MAGI2: variants seen among roughly 807,000 people sequenced by gnomAD.
MAGI2 encodes the protein membrane-associated guanylate kinase, WW and PDZ domain-containing protein 2.
In MAGI2, 35 loss-of-function variants were observed where a neutral mutation model predicts 133.3. The ratio of observed to expected loss-of-function variants is 0.26; its 90% CI spans 0.20 to 0.35. The LOEUF is 0.35. MAGI2 is among the 10% of genes least tolerant of loss of function. The pLI is 1.00. For missense variants in MAGI2, 1,636 were observed against 1,863.4 expected, an observed-to-expected ratio of 0.88 and a Z score of 2.25; for synonymous variants, 729 against 710.6, an observed-to-expected ratio of 1.03 and a Z score of -0.41.
At chr7:78,091,012 TA>T (rs1225212650) in intron 20 of MAGI2, among the ~76,000 whole-genome samples, 1 of 151,980 alleles carries the variant, frequency 6.6e-6, no homozygotes, top group Non-Finnish European at 1.5e-5. Context: ...ATATCTTTTG[TA>T]GCTTTTAACA....
Position 78,018,301 on chromosome 7 carries a change from T to C in MAGI2, c.*1014A>G, listed in dbSNP as rs1259871940. The C allele has an allele frequency of 1.3e-5, 2 of 152,636 alleles. No individual in the cohort carries two copies. Among genetic ancestry groups the C allele is most frequent in the Admixed American group, 6.5e-5 (1 of 15,290 alleles). 9.5% of individuals were successfully genotyped at this position (152,636 alleles called of 1,614,324 possible). On this transcript the variant is annotated 3_prime_UTR_variant, in exon 22 of 22. Coordinates refer to ENST00000354212, the MANE Select transcript of MAGI2 (RefSeq NM_012301.4). ...TCTGAGAAATATAAGACAAATACTC[T>C]GCCTCTGCTCTGTCAAAGTGCAAAT... is the stretch of plus-strand genomic sequence containing the variant.
At chr7:79,162,056 G>T (rs1409678554) in intron 1 of MAGI2, among the ~76,000 whole-genome samples, 1 of 145,972 alleles carries the variant, frequency 6.9e-6, no homozygotes, top group Non-Finnish European at 1.5e-5. Context: ...ATCTTTAATA[G>T]AAAAAAAAAA....
intron 18 of MAGI2, among the ~76,000 whole-genome samples, chr7:78,132,540 A>G (rs531675925): frequency 6.6e-6 from 1 of 152,176 alleles, no homozygotes; most frequent in Non-Finnish European, 1.5e-5. Flanking sequence ...TATTGGCCGC[A>G]TTTCCATCGT....
intron 1 of MAGI2, among the ~76,000 whole-genome samples, chr7:79,395,870 T>C (rs1420276847): frequency 1.3e-5 from 2 of 152,158 alleles, no homozygotes; most frequent in African/African-American, 2.4e-5. Context: ...GAATGCTGGA[T>C]GAATGAGTGA....
intron 9 of MAGI2, among the ~76,000 whole-genome samples, chr7:78,298,732 T>G (rs758111903): frequency 6.6e-6 from 1 of 151,508 alleles, no homozygotes; most frequent in African/African-American, 2.4e-5. Flanking sequence ...CTCCAACCCC[T>G]GAGCTCAAGT....
At chr7:78,739,137 C>A (rs1822150947) in intron 2 of MAGI2, among the ~76,000 whole-genome samples, 2 of 151,922 alleles carry the variant, frequency 1.3e-5, no homozygotes, top group African/African-American at 4.8e-5. Context: ...TGCTTTTTTC[C>A]CCCTCAGTGA....
intron 20 of MAGI2, among the ~76,000 whole-genome samples, chr7:78,083,304 T>A (rs2151196358): frequency 6.8e-6 from 1 of 147,160 alleles, no homozygotes; most frequent in Non-Finnish European, 1.5e-5. Context: ...TCTTAGAGTA[T>A]TTTTAAAATA....
chr7:79,259,232 T>C (rs1247821856), intron 1 of MAGI2, among the ~76,000 whole-genome samples: 1 of 152,204 alleles, frequency 6.6e-6, no homozygotes, highest in Non-Finnish European at 1.5e-5. Context: ...GTAAAAATAG[T>C]AGGATAGTAA....
At chr7:79,162,660 G>C (rs963124981) in intron 1 of MAGI2, among the ~76,000 whole-genome samples, 2 of 151,928 alleles carry the variant, frequency 1.3e-5, no homozygotes. Flanking sequence ...TTACTAACAG[G>C]ATAAAAATAC....
intron 1 of MAGI2, among the ~76,000 whole-genome samples, chr7:79,051,487 A>G (rs1237133783): frequency 1.3e-5 from 2 of 152,216 alleles, no homozygotes; most frequent in African/African-American, 4.8e-5. Context: ...AACTATTTGA[A>G]AAACAATGTA....
chr7:78,746,169 CCTGA>C (rs1317456761), intron 2 of MAGI2, among the ~76,000 whole-genome samples: 2 of 152,118 alleles, frequency 1.3e-5, no homozygotes, highest in African/African-American at 2.4e-5. Flanking sequence ...TTGCATGCCT[CCTGA>C]CTTTGTTTAA....
intron 2 of MAGI2, among the ~76,000 whole-genome samples, chr7:78,931,084 G>A (rs1382097565): frequency 6.6e-6 from 1 of 152,070 alleles, no homozygotes; most frequent in Non-Finnish European, 1.5e-5. Context: ...GGGAGGAAGG[G>A]AAACTCATGA....
At chr7:79,335,470 T>C (rs955464891) in intron 1 of MAGI2, among the ~76,000 whole-genome samples, 28 of 151,918 alleles carry the variant, frequency 1.8e-4, no homozygotes, top group African/African-American at 6.8e-4. Context: ...GAAGAAATTA[T>C]AAAGGAAAGG....
rs191128333 is a variant in MAGI2, at chr7:79,248,885, C to T, written c.301+204135G>A. Among the ~76,000 whole-genome samples, 507 of 150,574 alleles carry T rather than the reference C, an allele frequency of 3.4e-3. 3 individuals are homozygous for T. The highest frequency in any genetic ancestry group is 0.012 in the African/African-American group (483 of 40,710). Reference sequence around the variant, plus strand: ...TTTTATTTATTTTATTTTTTTGAGACGGAGATTTGCTCTTGTTGCCCAGGC... The same window carrying T: ...TTTTATTTATTTTATTTTTTTGAGATGGAGATTTGCTCTTGTTGCCCAGGC... On this transcript the variant is annotated intron_variant, in intron 1 of 21. Coordinates refer to ENST00000354212, the MANE Select transcript of MAGI2 (RefSeq NM_012301.4).
intron 2 of MAGI2, among the ~76,000 whole-genome samples, chr7:78,698,850 G>C (rs1817779030): frequency 6.6e-6 from 1 of 151,970 alleles, no homozygotes; most frequent in Non-Finnish European, 1.5e-5. Context: ...ACAGCATGAG[G>C]GTAACCACCC....
intron 1 of MAGI2, among the ~76,000 whole-genome samples, chr7:79,370,651 T>TTTA (rs1842993263): frequency 6.6e-6 from 1 of 151,932 alleles, no homozygotes; most frequent in African/African-American, 2.4e-5. Context: ...TAGTTCTTTT[T>TTTA]TTTTTATGAA....
At chr7:78,749,426 A>G (rs775010621) in intron 2 of MAGI2, among the ~76,000 whole-genome samples, 1 of 152,200 alleles carries the variant, frequency 6.6e-6, no homozygotes, top group Non-Finnish European at 1.5e-5. Context: ...CATATGGTAT[A>G]TTAGAAGGTA....
intron 6 of MAGI2, among the ~76,000 whole-genome samples, chr7:78,480,811 A>G (rs1283142014): frequency 2.0e-5 from 3 of 151,842 alleles, no homozygotes; most frequent in Admixed American, 6.6e-5. Context: ...AAAACACAAT[A>G]CCCATTTACA....
At chr7:79,079,948 T>C (rs1815897453) in intron 1 of MAGI2, among the ~76,000 whole-genome samples, 1 of 152,156 alleles carries the variant, frequency 6.6e-6, no homozygotes, top group East Asian at 1.9e-4. Context: ...GGTACTAACA[T>C]AATTATGTTT....
Sources: allele counts gnomAD v4.1 joint callset (sites outside exome capture counted in the v4.1 genomes callset), GRCh38; gene constraint gnomAD v4.1.1; transcripts MANE v1.5; gene names NCBI Gene and HGNC (gene_info 2026-07-23, HGNC 2026-07-21).